Variants in FOXN3 observed in about 807,000 individuals in gnomAD.
The protein encoded by FOXN3 is forkhead box N3.
A neutral mutation model predicts 38.4 loss-of-function variants in FOXN3; 7 were observed. That is an observed-to-expected ratio of 0.18 (90% CI 0.10 to 0.34). The LOEUF is 0.34. Among genes scored for constraint, FOXN3 ranks in the 10% least tolerant of loss-of-function variants. The probability of loss-of-function intolerance (pLI) is 1.00; values close to 1 mark genes in which losing one functional copy is unlikely to be tolerated. For synonymous variants in FOXN3, 230 were observed against 242.2 expected (o/e 0.95, Z 0.47); for missense variants, 456 against 613.4 (o/e 0.74, Z 2.71).
intron 2 of FOXN3, among the ~76,000 whole-genome samples, chr14:89,358,743 T>A (rs568410532): frequency 6.6e-6 from 1 of 152,222 alleles, no homozygotes; most frequent in South Asian, 2.1e-4. Context: ...GTACCACCCA[T>A]GTGTGGGGTC....
intron 4 of FOXN3, among the ~76,000 whole-genome samples, chr14:89,238,533 A>G (rs770533639): frequency 2.0e-5 from 3 of 152,358 alleles, no homozygotes; most frequent in Non-Finnish European, 4.4e-5. Context: ...AGTGTTCGGC[A>G]GCCTACGGGA....
At chr14:89,601,103 C>A (rs1212941958) in intron 1 of FOXN3, among the ~76,000 whole-genome samples, 1 of 152,068 alleles carries the variant, frequency 6.6e-6, no homozygotes, top group East Asian at 1.9e-4. Context: ...AGAGCCAAGC[C>A]CAGGGAGATG....
At chr14:89,306,211 T>C (rs1566951969) in intron 3 of FOXN3, among the ~76,000 whole-genome samples, 1 of 152,300 alleles carries the variant, frequency 6.6e-6, no homozygotes, top group East Asian at 1.9e-4. Context: ...ACTAAACTGC[T>C]GGTGGCAGGC....
chr14:89,343,902 A>T (rs1242284903), intron 3 of FOXN3, among the ~76,000 whole-genome samples: 1 of 152,096 alleles, frequency 6.6e-6, no homozygotes, highest in East Asian at 1.9e-4. Flanking sequence ...AGCTGATTGC[A>T]GGTGCCTGCC....
chr14:89,223,658 G>A (rs1284714771), intron 4 of FOXN3, among the ~76,000 whole-genome samples: 3 of 152,258 alleles, frequency 2.0e-5, no homozygotes, highest in Non-Finnish European at 4.4e-5. Flanking sequence ...CCACTGGGCA[G>A]TCGAGGGTGA....
In FOXN3 at chr14:89,511,141, T is replaced by TTTCTTTC. The variant is rs1555358045; in HGVS notation, c.-14-98652_-14-98651insGAAAGAA. On this transcript the variant is annotated intron_variant, in intron 1 of 6. Transcript: ENST00000345097. The stretch of plus-strand genomic sequence containing the variant: ...CTTGGTGTCTTTCTTTCTTTCTTTC[T>TTTCTTTC]TTTCTTTCTTTCTTTCTTTCTTTCT... Among the ~76,000 whole-genome samples the TTTCTTTC allele has an allele frequency of 1.6e-3, 33 of 21,006 alleles. 5 individuals carry two copies. Among genetic ancestry groups the TTTCTTTC allele is most frequent in the African/African-American group, 2.8e-3 (30 of 10,734 alleles). 13.8% of individuals were successfully genotyped at this position (21,006 alleles called of 152,430 possible).
intron 3 of FOXN3, among the ~76,000 whole-genome samples, chr14:89,347,867 T>A (rs1888812856): frequency 6.6e-6 from 1 of 151,782 alleles, no homozygotes; most frequent in Admixed American, 6.6e-5. Flanking sequence ...GGCAGAAGAA[T>A]CCCTTGAACC....
chr14:89,459,039 T>C (rs1056673860), intron 1 of FOXN3, among the ~76,000 whole-genome samples: 1 of 152,204 alleles, frequency 6.6e-6, no homozygotes, highest in African/African-American at 2.4e-5. Flanking sequence ...GTTCTGAGTT[T>C]GCAGGAATCT....
intron 2 of FOXN3, among the ~76,000 whole-genome samples, chr14:89,354,466 T>C (rs1889114736): frequency 6.8e-6 from 1 of 147,842 alleles, no homozygotes; most frequent in Non-Finnish European, 1.5e-5. Context: ...CCTGAAGTGA[T>C]CCGCCCACCT....
rs1892095383 is a variant in FOXN3, at chr14:89,428,720, G to A, written c.-14-16230C>T. On this transcript the variant is annotated intron_variant, in intron 1 of 6. Coordinates refer to the FOXN3 transcript ENST00000345097. Reference sequence around the variant, plus strand: ...TTGGTGACGGCAGCCATGAGTGCCTGTTGCTCGCAGCAGACGTCAGAGAGA... The same window carrying A: ...TTGGTGACGGCAGCCATGAGTGCCTATTGCTCGCAGCAGACGTCAGAGAGA... 2.0e-5 allele frequency among the ~76,000 whole-genome samples: 3 copies of A among 152,348 alleles called. No homozygotes were observed. The South Asian group carries it at 6.2e-4, about 32-fold the overall frequency.
intron 1 of FOXN3, among the ~76,000 whole-genome samples, chr14:89,490,704 G>A (rs1893553769): frequency 6.6e-6 from 1 of 152,230 alleles, no homozygotes; most frequent in Non-Finnish European, 1.5e-5. Context: ...GGAAGCATCT[G>A]AAAGTGGCTG....
intron 3 of FOXN3, among the ~76,000 whole-genome samples, chr14:89,339,277 G>A (rs1405579361): frequency 2.6e-5 from 4 of 152,242 alleles, no homozygotes; most frequent in South Asian, 2.1e-4. Context: ...CCCAGCCTAA[G>A]ACAAGTATTC....
chr14:89,288,805 C>G (rs1034748020), intron 3 of FOXN3, among the ~76,000 whole-genome samples: 2 of 139,526 alleles, frequency 1.4e-5, no homozygotes, highest in African/African-American at 5.3e-5. Context: ...TACTATAATT[C>G]ATTAAATGTC....
chr14:89,248,685 G>A (rs1000039018), intron 4 of FOXN3, among the ~76,000 whole-genome samples: 5 of 152,214 alleles, frequency 3.3e-5, no homozygotes, highest in African/African-American at 4.8e-5. Flanking sequence ...GCATGAAATC[G>A]ACTTTACCCA....
chr14:89,568,104 C>T (rs1330285567), intron 1 of FOXN3, among the ~76,000 whole-genome samples: 3 of 152,064 alleles, frequency 2.0e-5, no homozygotes, highest in East Asian at 1.9e-4. Flanking sequence ...GCTGCCCCCC[C>T]AAATTTCTCC....
intron 1 of FOXN3, among the ~76,000 whole-genome samples, chr14:89,595,191 G>A (rs1896033453): frequency 6.6e-6 from 1 of 151,992 alleles, no homozygotes; most frequent in Admixed American, 6.6e-5. Context: ...CGGGCACGGT[G>A]GCAGTCGCCT....
At chr14:89,593,253 G>A (rs1895995093) in intron 1 of FOXN3, among the ~76,000 whole-genome samples, 2 of 151,704 alleles carry the variant, frequency 1.3e-5, no homozygotes, top group African/African-American at 4.8e-5. Flanking sequence ...GGGAGGGAAG[G>A]AAGGAGGAAG....
chr14:89,365,368 A>C (rs1396793656), intron 2 of FOXN3, among the ~76,000 whole-genome samples: 4 of 152,240 alleles, frequency 2.6e-5, no homozygotes, highest in Non-Finnish European at 4.4e-5. Flanking sequence ...AACAACGATC[A>C]ATCATAAAAT....
At chr14:89,443,169 G>T (rs1892422150) in intron 1 of FOXN3, among the ~76,000 whole-genome samples, 1 of 152,232 alleles carries the variant, frequency 6.6e-6, no homozygotes, top group East Asian at 1.9e-4. Context: ...CTAGTCATGA[G>T]TGGTAACTGC....
Sources: gnomAD v4.1 joint callset for allele counts (sites outside exome capture counted in the v4.1 genomes callset) on GRCh38, gnomAD v4.1.1 for gene constraint, MANE v1.5 for transcripts, NCBI Gene and HGNC (gene_info 2026-07-23, HGNC 2026-07-21) for gene names.